ZFP91: variants seen among roughly 807,000 people sequenced by gnomAD.
The protein encoded by ZFP91 is ZFP91 zinc finger protein, atypical E3 ubiquitin ligase.
In ZFP91, 7 loss-of-function variants were observed where a neutral mutation model predicts 63.5. That is an observed-to-expected ratio of 0.11 (90% CI 0.06 to 0.21). The LOEUF is 0.21. Ranked by LOEUF, ZFP91 falls within the 10% of genes least tolerant of loss-of-function variation. ZFP91 has a pLI of 1.00. For missense variants in ZFP91, 628 were observed against 736.6 expected (o/e 0.85, Z 1.71); for synonymous variants, 330 against 272.1 (o/e 1.21, Z -2.10).
chr11:58,608,193 G>A (rs192973109), intron 2 of ZFP91, among the ~76,000 whole-genome samples: 16 of 151,516 alleles, frequency 1.1e-4, no homozygotes, highest in Admixed American at 1.0e-3. Flanking sequence ...ATATTTGTGT[G>A]TATATATATC....
intron 2 of ZFP91, among the ~76,000 whole-genome samples, chr11:58,600,319 TTATTC>T (rs940189788): frequency 3.9e-5 from 6 of 152,162 alleles, no homozygotes; most frequent in African/African-American, 1.2e-4. Flanking sequence ...TTATTCCTTT[TTATTC>T]TATTGTAAAG....
At chr11:58,604,518 G>T (rs1855539988) in intron 2 of ZFP91, among the ~76,000 whole-genome samples, 1 of 152,184 alleles carries the variant, frequency 6.6e-6, no homozygotes, top group African/African-American at 2.4e-5. Context: ...TGTTGTGATT[G>T]GTAGAGCAGC....
chr11:58,593,317 G>T (rs1201868505), intron 2 of ZFP91, among the ~76,000 whole-genome samples: 1 of 152,130 alleles, frequency 6.6e-6, no homozygotes, highest in Non-Finnish European at 1.5e-5. Context: ...AACTGCATGG[G>T]TCCCCTTATC....
At position 58,596,925 on chromosome 11, in the gene ZFP91, C is replaced by T. The variant is rs1243576177; in HGVS notation, c.370+12041C>T. The stretch of plus-strand genomic sequence containing the variant: ...TTAACAGTCCTTTTCCATAGAATAT[C>T]GTGTAATGAGACTTAAAGATTCTTA... On this transcript the variant is annotated intron_variant, in intron 2 of 10. Coordinates refer to ENST00000316059, the MANE Select transcript of ZFP91 (RefSeq NM_053023.5). Among the ~76,000 whole-genome samples, 6 of 151,588 alleles carry T rather than the reference C, an allele frequency of 4.0e-5. No individual in the cohort carries two copies. The East Asian group carries it at 5.8e-4, about 15-fold the overall frequency.
intron 7 of ZFP91, 159 bp downstream of exon 7, chr11:58,612,487 T>C: frequency 1.4e-6 from 1 of 703,730 alleles, no homozygotes; most frequent in East Asian, 2.7e-5. Flanking sequence ...TATGATCTTA[T>C]TTTCATTGTA....
rs545699040 is a variant in ZFP91 at position 58,580,522 on chromosome 11, G to T, written c.341+900G>T. 3.9e-5 allele frequency among the ~76,000 whole-genome samples: 6 copies of T among 152,236 alleles called. No homozygotes were observed. The South Asian group carries it at 8.3e-4, about 21-fold the overall frequency. On this transcript the variant is annotated intron_variant, in intron 1 of 10. Coordinates refer to ENST00000316059, the MANE Select transcript of ZFP91 (RefSeq NM_053023.5). ...ACATCATTAGTGACCTTTGATTTTT[G>T]AGTGAAAACAGATTAGTAAAAACAG...
intron 2 of ZFP91, among the ~76,000 whole-genome samples, chr11:58,608,638 T>C (rs952792026): frequency 4.6e-5 from 7 of 152,174 alleles, no homozygotes; most frequent in Admixed American, 3.9e-4. Flanking sequence ...GGAGTCTTGC[T>C]CTTTCGCCGA....
At chr11:58,613,631 C>T (rs891316533) in intron 8 of ZFP91, among the ~76,000 whole-genome samples, 3 of 152,044 alleles carry the variant, frequency 2.0e-5, no homozygotes, top group Non-Finnish European at 4.4e-5. Context: ...GAACTCAAAC[C>T]TGTGATTTCT....
At chr11:58,590,522 C>T (rs555661127) in intron 2 of ZFP91, among the ~76,000 whole-genome samples, 6 of 152,180 alleles carry the variant, frequency 3.9e-5, no homozygotes, top group Non-Finnish European at 5.9e-5. Context: ...ACAGTATAAT[C>T]AATCAGTTGT....
At position 58,579,343 on chromosome 11, in the gene ZFP91, C is replaced by T. The variant is rs950315995; in HGVS notation, c.62C>T (p.Ala21Val). ...PEQQDQEGGE[A>V]AKAAPEEPQQ... ...CAGCAGGACCAGGAAGGGGGAGAGGCGGCCAAGGCGGCTCCGGAGGAGCCC... is the reference window on the plus strand; with the variant it reads ...CAGCAGGACCAGGAAGGGGGAGAGGTGGCCAAGGCGGCTCCGGAGGAGCCC... Residue 21 changes from alanine to valine, a missense_variant, in exon 1 of 11, where the codon GCG becomes GTG. Ala to Val is a moderately conservative substitution (Grantham distance 64). Coordinates refer to ENST00000316059, the MANE Select transcript of ZFP91 (RefSeq NM_053023.5). 2.7e-6 allele frequency: 4 copies of T among 1,493,900 alleles called. No individual in the cohort carries two copies. Among genetic ancestry groups the T allele is most frequent in the Non-Finnish European group, 3.6e-6 (4 of 1,126,350 alleles). The allele number at this position is 1,493,900 out of a possible 1,614,324, so 92.5% of individuals were successfully genotyped here.
intron 4 of ZFP91, among the ~76,000 whole-genome samples, 155 bp downstream of exon 4, chr11:58,610,489 G>C (rs1353779815): frequency 6.6e-6 from 1 of 152,220 alleles, no homozygotes; most frequent in Non-Finnish European, 1.5e-5. Flanking sequence ...TGTTGAGCTT[G>C]ATTAGAACTT....
Position 58,611,742 on chromosome 11 carries a change from AG to A in ZFP91, c.857+5del, listed in dbSNP as rs2134420501. ...AGGATGAGGAACCTCCAAGGAAGTG[AG>A]TAGGCAATTATTAAAAATGAAAATC... On this transcript the variant is annotated splice_donor_5th_base_variant and intron_variant, in intron 6 of 10. Coordinates refer to ENST00000316059, the MANE Select transcript of ZFP91 (RefSeq NM_053023.5). 1 of 1,590,066 alleles carries A rather than the reference AG, an allele frequency of 6.3e-7. No individual in the cohort carries two copies. Among genetic ancestry groups the A allele is most frequent in the East Asian group, 2.3e-5 (1 of 44,380 alleles).
rs1006027968 is a variant in ZFP91, at chr11:58,620,676, A to C, written c.*2970A>C. 1 of 152,622 alleles carries C rather than the reference A, an allele frequency of 6.6e-6. No individual in the cohort carries two copies. Among genetic ancestry groups the C allele is most frequent in the African/African-American group, 2.4e-5 (1 of 41,446 alleles). 9.5% of individuals were successfully genotyped at this position (152,622 alleles called of 1,614,324 possible). A position where few individuals can be genotyped will look rare whatever the true frequency, so the allele number is the denominator to read the frequency against. On this transcript the variant is annotated 3_prime_UTR_variant, in exon 11 of 11. Coordinates refer to ENST00000316059, the MANE Select transcript of ZFP91 (RefSeq NM_053023.5). ...CCTCCTTTGTACCTGTTTGGGGAAA[A>C]AGTATAATGAGTGTACTACCAATCT... is the stretch of plus-strand genomic sequence containing the variant.
At chr11:58,607,386 A>G (rs1440511962) in intron 2 of ZFP91, among the ~76,000 whole-genome samples, 1 of 152,142 alleles carries the variant, frequency 6.6e-6, no homozygotes, top group African/African-American at 2.4e-5. Flanking sequence ...TTGGGCTTCC[A>G]GATACTTTAT....
Position 58,579,190 on chromosome 11 carries a change from T to G in ZFP91, c.-92T>G. 9.6e-7 allele frequency: 1 copy of G among 1,042,194 alleles called. No individual in the cohort carries two copies. The highest frequency in any genetic ancestry group is 1.2e-6 in the Non-Finnish European group (1 of 822,080). The allele number at this position is 1,042,194 out of a possible 1,614,324, so 64.6% of individuals were successfully genotyped here. The stretch of plus-strand genomic sequence containing the variant: ...GCAGGGTGAGAGTGAGCCGCAGGCT[T>G]CGGGAGGCGAGGGGGCGGGGGGAGC... On this transcript the variant is annotated 5_prime_UTR_variant, in exon 1 of 11. Transcript: ENST00000316059.
At chr11:58,611,164 A>G in intron 5 of ZFP91, 110 bp downstream of exon 5, 1 of 820,770 alleles carries the variant, frequency 1.2e-6, no homozygotes, top group South Asian at 2.0e-5. Context: ...AATTAATTTT[A>G]AATGAGTAAT....
At position 58,579,308 on chromosome 11, in the gene ZFP91, A is replaced by T; in HGVS notation, c.27A>T (p.Arg9Ser). The change falls in exon 1 of 11, where the codon AGA becomes AGT. Residue 9 changes from arginine to serine, a missense_variant. This residue lies in a region of ZFP91 where 437 missense variants were observed against 380.3 expected (regional missense o/e 1.15). Transcript: ENST00000316059. MPGETEEP[R>S]PPEQQDQEGG... ...TGCCGGGGGAGACGGAAGAGCCGAG[A>T]CCCCCGGAGCAGCAGGACCAGGAAG... 1 of 1,482,714 alleles carries T rather than the reference A, an allele frequency of 6.7e-7. No homozygotes were observed. Among genetic ancestry groups the T allele is most frequent in the South Asian group, 1.3e-5 (1 of 78,072 alleles). The allele number at this position is 1,482,714 out of a possible 1,614,324, so 91.8% of individuals were successfully genotyped here. A position where few individuals can be genotyped will look rare whatever the true frequency, so the allele number is the denominator to read the frequency against.
At chr11:58,591,027 CCTT>C (rs1855295846) in intron 2 of ZFP91, among the ~76,000 whole-genome samples, 1 of 152,018 alleles carries the variant, frequency 6.6e-6, no homozygotes, top group Non-Finnish European at 1.5e-5. Context: ...TTCTCCTCCC[CCTT>C]CTTTATTTTA....
intron 2 of ZFP91, among the ~76,000 whole-genome samples, chr11:58,587,331 TGAA>T (rs1295354949): frequency 6.6e-6 from 1 of 152,112 alleles, no homozygotes; most frequent in Non-Finnish European, 1.5e-5. Context: ...ATCAAATAAA[TGAA>T]GAAGTCAAAA....
Sources: allele counts gnomAD v4.1 joint callset (sites outside exome capture counted in the v4.1 genomes callset), GRCh38; gene constraint gnomAD v4.1.1; regional missense constraint gnomAD v4.1.1; transcripts MANE v1.5; gene names NCBI Gene and HGNC (gene_info 2026-07-23, HGNC 2026-07-21).